The following LPP variants were observed in gnomAD, a reference collection of about 807,000 sequenced individuals.
LPP encodes lipoma-preferred partner.
A neutral mutation model predicts 60.4 loss-of-function variants in LPP; 38 were observed. The observed-to-expected ratio is 0.63, with a 90% CI of 0.49 to 0.83. The LOEUF (loss-of-function observed/expected upper bound fraction) is 0.83, where lower values mean the gene tolerates loss of function less well. Ranked by LOEUF, LPP falls within the 40% of genes least tolerant of loss-of-function variation. LPP has a pLI of 0.00. For missense variants in LPP, 902 were observed against 783.6 expected (o/e 1.15, Z -1.80); for synonymous variants, 328 against 290.8 (o/e 1.13, Z -1.30).
intron 6 of LPP, among the ~76,000 whole-genome samples, chr3:188,545,626 G>C (rs966479797): frequency 7.9e-5 from 12 of 152,112 alleles, no homozygotes; most frequent in African/African-American, 2.9e-4. Flanking sequence ...TGGCAGTTTG[G>C]TGTTAGAAGT....
At chr3:188,767,930 G>A (rs1577427474) in intron 9 of LPP, among the ~76,000 whole-genome samples, 1 of 152,220 alleles carries the variant, frequency 6.6e-6, no homozygotes, top group African/African-American at 2.4e-5. Context: ...ATACTGCAAT[G>A]TTTAGATCTG....
intron 3 of LPP, among the ~76,000 whole-genome samples, chr3:188,400,314 T>G (rs1781946351): frequency 6.6e-6 from 1 of 152,220 alleles, no homozygotes; most frequent in South Asian, 2.1e-4. Context: ...TGTCCCAGCT[T>G]CAGCTTTGCT....
At chr3:188,487,362 G>T (rs1370929702) in intron 5 of LPP, among the ~76,000 whole-genome samples, 11 of 152,108 alleles carry the variant, frequency 7.2e-5, no homozygotes, top group Admixed American at 7.2e-4. Flanking sequence ...ATTCAACCAT[G>T]GGGCTTTCAA....
rs1206082559 is a variant in LPP, at chr3:188,785,547, T to TATATATATATATATATATACAC, written c.1410+25266_1410+25267insTATATATATATATATATACACA. On this transcript the variant is annotated intron_variant, in intron 9 of 11. Coordinates refer to ENST00000617246, the MANE Select transcript of LPP (RefSeq NM_001375462.1). ...ATATATATTCCATCATATATATATA[T>TATATATATATATATATATACAC]ACACACACACACACACACACACACA... Among the ~76,000 whole-genome samples, 15 of 43,840 alleles carry TATATATATATATATATATACAC rather than the reference T, an allele frequency of 3.4e-4. 1 individual carries two copies. The highest frequency in any genetic ancestry group is 1.2e-3 in the South Asian group (1 of 832). 28.8% of individuals were successfully genotyped at this position (43,840 alleles called of 152,430 possible). A position where few individuals can be genotyped will look rare whatever the true frequency, so the allele number is the denominator to read the frequency against.
chr3:188,204,022 G>C (rs954576865), intron 1 of LPP, among the ~76,000 whole-genome samples: 3 of 152,124 alleles, frequency 2.0e-5, no homozygotes, highest in Admixed American at 2.0e-4. Context: ...ACTGGGAATT[G>C]GTGGGGCCAT....
intron 3 of LPP, among the ~76,000 whole-genome samples, chr3:188,400,784 G>A (rs4686484): frequency 0.61 from 92,216 of 151,796 alleles, 29,134 homozygotes; most frequent in African/African-American, 0.79. Context: ...TATGAACTTC[G>A]AGTGAAACCT....
chr3:188,732,844 A>G (rs1405277363), intron 8 of LPP, among the ~76,000 whole-genome samples: 2 of 152,148 alleles, frequency 1.3e-5, no homozygotes, highest in African/African-American at 4.8e-5. Context: ...TGGGGTATAA[A>G]TTAAACTGAA....
intron 2 of LPP, among the ~76,000 whole-genome samples, chr3:188,284,452 G>C (rs1020265741): frequency 1.3e-5 from 2 of 152,102 alleles, no homozygotes; most frequent in Non-Finnish European, 2.9e-5. Flanking sequence ...AGGCCCAAGG[G>C]GGAGGTGGAG....
intron 1 of LPP, among the ~76,000 whole-genome samples, chr3:188,156,489 C>T (rs941869837): frequency 3.3e-5 from 5 of 152,072 alleles, no homozygotes; most frequent in Non-Finnish European, 7.3e-5. Flanking sequence ...GTACTGGCAT[C>T]GAGAAGCCCC....
At chr3:188,756,562 T>C (rs1252923946) in intron 8 of LPP, among the ~76,000 whole-genome samples, 1 of 152,220 alleles carries the variant, frequency 6.6e-6, no homozygotes, top group Non-Finnish European at 1.5e-5. Flanking sequence ...AAGCATACAC[T>C]ATGCTTGAGT....
chr3:188,296,981 C>T (rs751375111), intron 2 of LPP, among the ~76,000 whole-genome samples: 9 of 152,176 alleles, frequency 5.9e-5, no homozygotes, highest in East Asian at 1.9e-4. Context: ...AGAAAGGAGA[C>T]GTTCTGCAGT....
At chr3:188,622,484 T>G (rs1259123307) in intron 7 of LPP, among the ~76,000 whole-genome samples, 1 of 152,202 alleles carries the variant, frequency 6.6e-6, no homozygotes, top group African/African-American at 2.4e-5. Flanking sequence ...TATATTAGTT[T>G]CATAGTAATT....
intron 7 of LPP, among the ~76,000 whole-genome samples, chr3:188,627,117 T>C (rs1422816120): frequency 1.3e-5 from 2 of 152,166 alleles, no homozygotes; most frequent in African/African-American, 2.4e-5. Context: ...AGTTTATTAC[T>C]ACCAGTCCTG....
intron 8 of LPP, among the ~76,000 whole-genome samples, chr3:188,753,030 A>G (rs374399463): frequency 7.9e-5 from 12 of 152,316 alleles, no homozygotes; most frequent in East Asian, 5.8e-4. Flanking sequence ...GCTCCTAAAC[A>G]ATACTGATAT....
intron 9 of LPP, among the ~76,000 whole-genome samples, chr3:188,853,090 C>T (rs1763048231): frequency 6.6e-6 from 1 of 151,742 alleles, no homozygotes; most frequent in African/African-American, 2.4e-5. Flanking sequence ...GTGGAGGTTG[C>T]AGTGAGCCGA....
At position 188,428,669 on chromosome 3, in the gene LPP, T is replaced by G. The variant is rs1790127860; in HGVS notation, c.193+22356T>G. ...AATCTCTCACTGATGCTTGAATTCA[T>G]ATAATCACTGTCAAGGTGTTTTTCA... On this transcript the variant is annotated intron_variant, in intron 4 of 11. Coordinates refer to ENST00000617246, the MANE Select transcript of LPP (RefSeq NM_001375462.1). 2.0e-5 allele frequency among the ~76,000 whole-genome samples: 3 copies of G among 151,744 alleles called. No individual in the cohort carries two copies. In the South Asian group the frequency reaches 6.2e-4, roughly 31 times the overall value.
intron 4 of LPP, chr3:188,472,876 AG>A (rs1560448978): frequency 6.6e-6 from 1 of 152,274 alleles, no homozygotes; most frequent in East Asian, 1.9e-4. Flanking sequence ...CTGAATTTGT[AG>A]GGGTGTAGCG....
At chr3:188,316,453 TAAG>T (rs138958419) in intron 2 of LPP, among the ~76,000 whole-genome samples, 9,437 of 151,728 alleles carry the variant, frequency 0.062, 387 homozygotes, top group South Asian at 0.11. Flanking sequence ...AAAAAAAAAA[TAAG>T]AATTGCTCAA....
At chr3:188,385,857 A>G (rs1174874436) in intron 3 of LPP, among the ~76,000 whole-genome samples, 2 of 152,188 alleles carry the variant, frequency 1.3e-5, no homozygotes, top group African/African-American at 4.8e-5. Context: ...ATGTGAGAAG[A>G]AAAGATTAAC....
Sources: allele counts gnomAD v4.1 joint callset (sites outside exome capture counted in the v4.1 genomes callset), GRCh38; gene constraint gnomAD v4.1.1; transcripts MANE v1.5; gene names NCBI Gene and HGNC (gene_info 2026-07-23, HGNC 2026-07-21).